BTRC: variants seen among roughly 807,000 people sequenced by gnomAD.
The protein encoded by BTRC is F-box/WD repeat-containing protein 1A.
BTRC carries 42 observed loss-of-function variants against 85.5 expected under a neutral mutation model. The observed-to-expected ratio is 0.49, with a 90% CI of 0.38 to 0.64. The LOEUF (loss-of-function observed/expected upper bound fraction) is 0.64, where lower values mean the gene tolerates loss of function less well. Among genes scored for constraint, BTRC ranks in the 30% least tolerant of loss-of-function variants. The probability of loss-of-function intolerance (pLI) is 0.00; values close to 1 mark genes in which losing one functional copy is unlikely to be tolerated. For missense variants in BTRC, 594 were observed against 743.5 expected (o/e 0.80, Z 2.34); for synonymous variants, 255 against 263.3 (o/e 0.97, Z 0.30).
intron 1 of BTRC, among the ~76,000 whole-genome samples, chr10:101,369,339 C>T (rs770040014): frequency 2.0e-5 from 3 of 152,074 alleles, no homozygotes; most frequent in Non-Finnish European, 4.4e-5. Flanking sequence ...CCACCTGGGC[C>T]TCCCAAAGTG....
At chr10:101,446,280 C>A (rs565028287) in intron 2 of BTRC, among the ~76,000 whole-genome samples, 3 of 152,056 alleles carry the variant, frequency 2.0e-5, no homozygotes, top group African/African-American at 7.2e-5. Flanking sequence ...TAAATGTGAG[C>A]TCTTTTGTCC....
upstream of BTRC, chr10:101,354,155 G>C (rs1287072739): frequency 6.5e-7 from 1 of 1,548,396 alleles, no homozygotes; most frequent in Non-Finnish European, 8.7e-7. Context: ...CCCCGGCGGA[G>C]AGCGGACCCA....
intron 1 of BTRC, among the ~76,000 whole-genome samples, chr10:101,413,067 G>T (rs1448358483): frequency 1.3e-5 from 2 of 152,174 alleles, no homozygotes; most frequent in Non-Finnish European, 2.9e-5. Context: ...GCAGCCAGAG[G>T]AACTTATTGA....
At chr10:101,410,810 T>C (rs528727193) in intron 1 of BTRC, among the ~76,000 whole-genome samples, 16 of 152,266 alleles carry the variant, frequency 1.1e-4, no homozygotes, top group African/African-American at 3.9e-4. Flanking sequence ...CCTGGAAATA[T>C]TTCACTTCAC....
intron 2 of BTRC, among the ~76,000 whole-genome samples, chr10:101,458,645 C>G (rs922470381): frequency 2.0e-5 from 3 of 152,242 alleles, no homozygotes; most frequent in Middle Eastern, 3.4e-3. Context: ...ATTCCTTAGT[C>G]TATTTCATGG....
intron 4 of BTRC, among the ~76,000 whole-genome samples, chr10:101,505,953 C>T (rs528022435): frequency 4.7e-5 from 7 of 149,542 alleles, no homozygotes; most frequent in Non-Finnish European, 4.4e-5. Flanking sequence ...CTCGCTGTGT[C>T]GCCCAGGCTG....
intron 2 of BTRC, among the ~76,000 whole-genome samples, chr10:101,440,615 G>A (rs190346288): frequency 5.3e-4 from 80 of 152,178 alleles, no homozygotes; most frequent in Non-Finnish European, 9.0e-4. Flanking sequence ...CCAGCTACTC[G>A]GGAGGCTGAG....
chr10:101,521,609 T>C (rs773848311), intron 4 of BTRC, 30 bp from the exon 5 acceptor site: 1 of 1,495,412 alleles, frequency 6.7e-7, no homozygotes, highest in South Asian at 1.2e-5. Flanking sequence ...ATACTAATCA[T>C]TTTATGTTTC....
At chr10:101,369,760 T>C (rs1279155214) in intron 1 of BTRC, among the ~76,000 whole-genome samples, 1 of 152,220 alleles carries the variant, frequency 6.6e-6, no homozygotes, top group African/African-American at 2.4e-5. Context: ...CACACTGATA[T>C]CCCCAATTCC....
chr10:101,399,780 A>G (rs1361738239), intron 1 of BTRC, among the ~76,000 whole-genome samples: 1 of 152,198 alleles, frequency 6.6e-6, no homozygotes, highest in African/African-American at 2.4e-5. Context: ...ACCAGTTTAC[A>G]TCTTGGCTTA....
At chr10:101,394,654 C>G (rs1380004521) in intron 1 of BTRC, among the ~76,000 whole-genome samples, 1 of 152,142 alleles carries the variant, frequency 6.6e-6, no homozygotes, top group African/African-American at 2.4e-5. Flanking sequence ...GTCCCTATTT[C>G]AGAGAGAGTA....
At chr10:101,539,307 A>G (rs1235896870) in intron 13 of BTRC, among the ~76,000 whole-genome samples, 1 of 152,252 alleles carries the variant, frequency 6.6e-6, no homozygotes, top group African/African-American at 2.4e-5. Context: ...AACAGGGTGG[A>G]CAGACACCAC....
At chr10:101,531,085 C>A in intron 6 of BTRC, 152 bp from the exon 7 acceptor site, 2 of 541,556 alleles carry the variant, frequency 3.7e-6, no homozygotes, top group Non-Finnish European at 6.5e-6. Flanking sequence ...GCAGGAGAAT[C>A]ACTTGAACCC....
intron 1 of BTRC, among the ~76,000 whole-genome samples, chr10:101,376,778 G>A (rs532435824): frequency 2.2e-4 from 33 of 152,128 alleles, no homozygotes; most frequent in African/African-American, 7.9e-4. Context: ...ATAGGGTAAG[G>A]TGGTGGTGGT....
intron 13 of BTRC, among the ~76,000 whole-genome samples, chr10:101,550,154 A>G (rs534506686): frequency 2.6e-5 from 4 of 152,336 alleles, no homozygotes; most frequent in African/African-American, 9.6e-5. Context: ...GCCATGAGAA[A>G]CTATTAATAG....
chr10:101,421,568 T>A (rs1158708255), intron 1 of BTRC, among the ~76,000 whole-genome samples: 8 of 151,338 alleles, frequency 5.3e-5, no homozygotes, highest in African/African-American at 1.2e-4. Context: ...CTGCACCCAT[T>A]AACTCGTCAT....
intron 1 of BTRC, among the ~76,000 whole-genome samples, chr10:101,419,335 A>G (rs1322065613): frequency 6.6e-6 from 1 of 152,132 alleles, no homozygotes; most frequent in Non-Finnish European, 1.5e-5. Flanking sequence ...TCTTTCAATC[A>G]GGAGTCTGGG....
intron 6 of BTRC, among the ~76,000 whole-genome samples, chr10:101,527,530 AT>A: frequency 6.6e-6 from 1 of 152,298 alleles, no homozygotes; most frequent in South Asian, 2.1e-4. Flanking sequence ...AGGCAAGAGG[AT>A]CGTTTGAGCC....
chr10:101,455,983 A>AACACACAC (rs745628596), intron 2 of BTRC, among the ~76,000 whole-genome samples: 1,839 of 96,022 alleles, frequency 0.019, 65 homozygotes, highest in South Asian at 0.045. Flanking sequence ...CTCTACTAAA[A>AACACACAC]ACACACACAC....
Sources: gnomAD v4.1 joint callset for allele counts (sites outside exome capture counted in the v4.1 genomes callset) on GRCh38, gnomAD v4.1.1 for gene constraint, MANE v1.5 for transcripts, NCBI Gene and HGNC (gene_info 2026-07-23, HGNC 2026-07-21) for gene names.